Variants in DLGAP2 observed in about 807,000 individuals in gnomAD.
The protein encoded by DLGAP2 is DLG associated protein 2.
Under a neutral mutation model 100.3 loss-of-function variants are expected in DLGAP2, and 26 were observed. The ratio of observed to expected loss-of-function variants is 0.26; its 90% CI spans 0.19 to 0.36. The LOEUF (loss-of-function observed/expected upper bound fraction) is 0.36. Among genes scored for constraint, DLGAP2 ranks in the 10% least tolerant of loss-of-function variants. DLGAP2 has a pLI of 1.00. For synonymous variants in DLGAP2, 886 were observed against 630.1 expected, an observed-to-expected ratio of 1.41 and a Z score of -6.08; for missense variants, 1,858 against 1,453.2, an observed-to-expected ratio of 1.28 and a Z score of -4.53.
At chr8:1,667,192 A>G (rs55682707) in intron 8 of DLGAP2, among the ~76,000 whole-genome samples, 9,664 of 152,274 alleles carry the variant, frequency 0.063, 443 homozygotes, top group Non-Finnish European at 0.1. Context: ...CGGACAACCA[A>G]TTCCTGTTGA....
At chr8:1,388,069 G>A (rs937491618) in intron 3 of DLGAP2, among the ~76,000 whole-genome samples, 6 of 152,344 alleles carry the variant, frequency 3.9e-5, no homozygotes, top group East Asian at 3.9e-4. Flanking sequence ...TAGTGTCAGC[G>A]TCTCACAGCG....
chr8:1,361,150 C>T (rs1224277882), intron 3 of DLGAP2, among the ~76,000 whole-genome samples: 2 of 152,148 alleles, frequency 1.3e-5, no homozygotes, highest in Non-Finnish European at 2.9e-5. Context: ...CCTGGGGCCT[C>T]ACCACACCAG....
intron 2 of DLGAP2, among the ~76,000 whole-genome samples, chr8:1,185,504 G>C (rs1050620767): frequency 1.3e-5 from 2 of 152,076 alleles, no homozygotes; most frequent in Non-Finnish European, 2.9e-5. Flanking sequence ...TGGATGTGGG[G>C]TTGTTTGATC....
At chr8:1,648,493 A>G (rs904409825) in intron 8 of DLGAP2, among the ~76,000 whole-genome samples, 3 of 152,074 alleles carry the variant, frequency 2.0e-5, no homozygotes, top group African/African-American at 7.2e-5. Context: ...CAATACCAAA[A>G]CCAGGACTCC....
chr8:1,569,972 C>T (rs1325621429), intron 6 of DLGAP2, among the ~76,000 whole-genome samples: 5 of 151,836 alleles, frequency 3.3e-5, no homozygotes. Flanking sequence ...AGGGCAGTGG[C>T]GGAGGCCAGG....
chr8:783,883 T>C (rs1307515883), intron 1 of DLGAP2, among the ~76,000 whole-genome samples: 1 of 152,206 alleles, frequency 6.6e-6, no homozygotes, highest in South Asian at 2.1e-4. Flanking sequence ...AGTTTCCCAT[T>C]TCTTGCTTTC....
chr8:1,195,302 C>G (rs1409678376), intron 2 of DLGAP2, among the ~76,000 whole-genome samples: 2 of 152,178 alleles, frequency 1.3e-5, no homozygotes, highest in Non-Finnish European at 2.9e-5. Flanking sequence ...CCTGCACCCT[C>G]AGGAGCAGAG....
chr8:1,363,931 T>A (rs1046316043), intron 3 of DLGAP2, among the ~76,000 whole-genome samples: 2 of 152,100 alleles, frequency 1.3e-5, no homozygotes, highest in African/African-American at 4.8e-5. Flanking sequence ...TCCCTGACAG[T>A]GACAGCCAGG....
chr8:774,879 T>C (rs1396779853), intron 1 of DLGAP2, among the ~76,000 whole-genome samples: 1 of 148,524 alleles, frequency 6.7e-6, no homozygotes, highest in African/African-American at 2.5e-5. Flanking sequence ...TTTCCAATTC[T>C]GTGAAGAAAG....
chr8:1,331,960 C>G (rs1222193419), intron 3 of DLGAP2, among the ~76,000 whole-genome samples: 2 of 152,190 alleles, frequency 1.3e-5, no homozygotes, highest in African/African-American at 2.4e-5. Context: ...ACAGCCACCT[C>G]CTGCCAACCC....
At chr8:1,100,503 T>C (rs1360666745) in intron 2 of DLGAP2, among the ~76,000 whole-genome samples, 2 of 151,408 alleles carry the variant, frequency 1.3e-5, no homozygotes, top group African/African-American at 4.8e-5. Flanking sequence ...GTATTAGAGT[T>C]TGTGGTGTGT....
intron 2 of DLGAP2, among the ~76,000 whole-genome samples, chr8:971,913 T>C (rs1260393884): frequency 6.6e-6 from 1 of 152,158 alleles, no homozygotes; most frequent in Non-Finnish European, 1.5e-5. Context: ...TACAGGCTTA[T>C]TATAGAACTG....
intron 3 of DLGAP2, among the ~76,000 whole-genome samples, chr8:1,364,272 C>T (rs946744070): frequency 1.2e-4 from 18 of 152,332 alleles, no homozygotes; most frequent in African/African-American, 4.1e-4. Context: ...CAGCTGCCCC[C>T]AGAGGAGGGG....
intron 2 of DLGAP2, chr8:910,424 C>G (rs1017387069): frequency 1.3e-5 from 2 of 152,190 alleles, no homozygotes; most frequent in Admixed American, 1.3e-4. Context: ...CCGTTGGTTA[C>G]TTTCCCATAC....
rs577030284 is a variant in DLGAP2, at chr8:918,378, C to T, written c.73+10412C>T. The stretch of plus-strand genomic sequence containing the variant: ...ATTCGTAGAATTAGGGTTTACCAGT[C>T]GTCTGACAACCTGTGTCGCTTAGAT... On this transcript the variant is annotated intron_variant, in intron 2 of 14. Transcript: ENST00000637795. 1.0e-3 allele frequency among the ~76,000 whole-genome samples: 155 copies of T among 152,308 alleles called. 2 individuals are homozygous for T. The highest frequency in any genetic ancestry group is 3.5e-3 in the African/African-American group (145 of 41,578).
In DLGAP2 at chr8:1,434,223, C is replaced by G. The variant is rs1156744721; in HGVS notation, c.107-67143C>G. ...GGTTTCATCTTGGTAAATGTGGATT[C>G]TCAGACTGGCCCTGAGGAAATCTCG... On this transcript the variant is annotated intron_variant, in intron 3 of 14. Transcript: ENST00000637795. 4.6e-5 allele frequency among the ~76,000 whole-genome samples: 7 copies of G among 152,168 alleles called. 1 individual carries two copies. The South Asian group carries it at 1.0e-3, about 23-fold the overall frequency.
intron 3 of DLGAP2, among the ~76,000 whole-genome samples, chr8:1,271,246 C>T (rs928608362): frequency 1.3e-5 from 2 of 152,154 alleles, no homozygotes; most frequent in Non-Finnish European, 2.9e-5. Context: ...CAGCTTTCTC[C>T]ACCCAGCACT....
chr8:1,648,452 C>A (rs1798092104), intron 8 of DLGAP2, among the ~76,000 whole-genome samples: 1 of 152,096 alleles, frequency 6.6e-6, no homozygotes, highest in African/African-American at 2.4e-5. Context: ...CTGTGAAATT[C>A]AGCCTCTGTC....
chr8:1,048,469 G>A (rs1563164125), intron 2 of DLGAP2, among the ~76,000 whole-genome samples: 1 of 151,988 alleles, frequency 6.6e-6, no homozygotes, highest in Non-Finnish European at 1.5e-5. Context: ...GTGCGTCTGT[G>A]CTCAGTGAAT....
Sources: gnomAD v4.1 joint callset for allele counts (sites outside exome capture counted in the v4.1 genomes callset) on GRCh38, gnomAD v4.1.1 for gene constraint, MANE v1.5 for transcripts, NCBI Gene and HGNC (gene_info 2026-07-23, HGNC 2026-07-21) for gene names.